PPARGC1A: variants seen among roughly 807,000 people sequenced by gnomAD.
The protein encoded by PPARGC1A is PPARG coactivator 1 alpha, also known as peroxisome proliferator-activated receptor gamma coactivator 1-alpha.
A neutral mutation model predicts 88.7 loss-of-function variants in PPARGC1A; 25 were observed. The observed-to-expected ratio is 0.28, with a 90% CI of 0.21 to 0.39. The LOEUF is 0.39. Among genes scored for constraint, PPARGC1A ranks in the 10% least tolerant of loss-of-function variants. PPARGC1A has a pLI of 1.00. For missense variants in PPARGC1A, 880 were observed against 968.7 expected (o/e 0.91, Z 1.22); for synonymous variants, 363 against 355.6 (o/e 1.02, Z -0.24).
At chr4:23,914,391 G>A in the PPARGC1A span, among the ~76,000 whole-genome samples, 1 of 152,162 alleles carries the variant, frequency 6.6e-6, no homozygotes, top group Non-Finnish European at 1.5e-5. Context: ...CTGTTGGGCA[G>A]CAATTTAATC....
intron 2 of PPARGC1A, among the ~76,000 whole-genome samples, chr4:23,844,764 A>AATAATATATGATATATAATT (rs1577483387): frequency 4.4e-5 from 2 of 45,568 alleles, no homozygotes; most frequent in African/African-American, 1.1e-4. Context: ...TATATATTAT[A>AATAATATATGATATATAATT]ATAATATATG....
At chr4:24,081,301 G>A in the PPARGC1A span, among the ~76,000 whole-genome samples, 1 of 152,088 alleles carries the variant, frequency 6.6e-6, no homozygotes, top group African/African-American at 2.4e-5. Flanking sequence ...AAGGCAAAAG[G>A]TGGGGTTAAG....
At chr4:23,900,096 A>G (rs1238586766), upstream of PPARGC1A, among the ~76,000 whole-genome samples, 1 of 152,116 alleles carries the variant, frequency 6.6e-6, no homozygotes, top group Non-Finnish European at 1.5e-5. Context: ...TGGAGCAGAA[A>G]TCAAAGGACT....
At chr4:23,999,832 C>T in the PPARGC1A span, among the ~76,000 whole-genome samples, 2 of 152,108 alleles carry the variant, frequency 1.3e-5, no homozygotes, top group South Asian at 2.1e-4. Context: ...TAGACGCAGC[C>T]GCCCCTCTGG....
chr4:24,387,191 C>T, the PPARGC1A span, among the ~76,000 whole-genome samples: 11 of 152,102 alleles, frequency 7.2e-5, no homozygotes, highest in Non-Finnish European at 1.5e-4. Flanking sequence ...TAGCCATATG[C>T]AGAAAACTGA....
chr4:23,998,286 A>C, the PPARGC1A span, among the ~76,000 whole-genome samples: 1 of 152,224 alleles, frequency 6.6e-6, no homozygotes, highest in Admixed American at 6.5e-5. Flanking sequence ...CACACATATA[A>C]AATACACATA....
the PPARGC1A span, among the ~76,000 whole-genome samples, chr4:24,340,183 C>A: frequency 6.6e-6 from 1 of 152,090 alleles, no homozygotes; most frequent in African/African-American, 2.4e-5. Flanking sequence ...CCTTTGGGGG[C>A]ACTGGACTAT....
the PPARGC1A span, among the ~76,000 whole-genome samples, chr4:24,472,875 G>T: frequency 6.6e-6 from 1 of 151,358 alleles, no homozygotes; most frequent in Non-Finnish European, 1.5e-5. The surrounding 1 kb of genome is among the most constrained non-coding windows in gnomAD (Gnocchi z 4.5). Flanking sequence ...GGATGGAGGC[G>T]CAGAGGCAGC....
the PPARGC1A span, among the ~76,000 whole-genome samples, chr4:24,065,714 G>T: frequency 6.6e-6 from 1 of 152,150 alleles, no homozygotes; most frequent in Non-Finnish European, 1.5e-5. Flanking sequence ...GACTCCTCAT[G>T]AAGGCTCTGT....
chr4:24,466,095 G>T, the PPARGC1A span, among the ~76,000 whole-genome samples: 30 of 152,108 alleles, frequency 2.0e-4, no homozygotes, highest in East Asian at 1.9e-4. Flanking sequence ...GTTTTAGAAG[G>T]CCCTGTCTAT....
chr4:24,303,702 C>T, the PPARGC1A span, among the ~76,000 whole-genome samples: 1 of 152,082 alleles, frequency 6.6e-6, no homozygotes, highest in Non-Finnish European at 1.5e-5. Context: ...CAATTTTAAT[C>T]ACAATTCCTC....
chr4:24,086,353 A>G, the PPARGC1A span, among the ~76,000 whole-genome samples: 4 of 152,142 alleles, frequency 2.6e-5, no homozygotes, highest in African/African-American at 9.7e-5. Context: ...CCTCACCCTG[A>G]ATGGCTGGTG....
the PPARGC1A span, among the ~76,000 whole-genome samples, chr4:24,409,359 G>T: frequency 1.9e-4 from 29 of 152,300 alleles, no homozygotes; most frequent in East Asian, 4.4e-3. Context: ...TCAAATCCCA[G>T]CTCTGCCTTC....
At chr4:23,845,843 A>G (rs951644094) in intron 2 of PPARGC1A, among the ~76,000 whole-genome samples, 3 of 152,190 alleles carry the variant, frequency 2.0e-5, no homozygotes, top group Non-Finnish European at 4.4e-5. Context: ...GCAAGTTTGC[A>G]ATCTCCTAGG....
chr4:24,058,003 G>T, the PPARGC1A span, among the ~76,000 whole-genome samples: 1 of 152,172 alleles, frequency 6.6e-6, no homozygotes, highest in Non-Finnish European at 1.5e-5. Context: ...TTGGAGAGAA[G>T]GGAAGCAACC....
chr4:24,461,610 C>T, the PPARGC1A span, among the ~76,000 whole-genome samples: 5 of 150,140 alleles, frequency 3.3e-5, no homozygotes, highest in African/African-American at 7.3e-5. Flanking sequence ...TCGTGTCTAT[C>T]GTGTGTGTGT....
At chr4:24,217,569 G>A in the PPARGC1A span, among the ~76,000 whole-genome samples, 10 of 152,244 alleles carry the variant, frequency 6.6e-5, no homozygotes, top group Non-Finnish European at 1.0e-4. Context: ...TTGGGAGGCC[G>A]AGGCAGGCAG....
the PPARGC1A span, among the ~76,000 whole-genome samples, chr4:24,063,417 C>T: frequency 1.8e-4 from 27 of 152,296 alleles, no homozygotes; most frequent in Middle Eastern, 3.4e-3. Flanking sequence ...TCCAAGGGCT[C>T]CACATACTTT....
chr4:24,043,767 C>T, the PPARGC1A span, among the ~76,000 whole-genome samples: 3 of 152,254 alleles, frequency 2.0e-5, no homozygotes, highest in South Asian at 6.2e-4. Context: ...ATACTTAAAA[C>T]ATAGCTATGG....
Sources: allele counts gnomAD v4.1 joint callset (sites outside exome capture counted in the v4.1 genomes callset), GRCh38; gene constraint gnomAD v4.1.1; non-coding constraint Gnocchi (gnomAD v3.1); transcripts MANE v1.5; gene names NCBI Gene and HGNC (gene_info 2026-07-23, HGNC 2026-07-21).